ELAPOR1: variants seen among roughly 807,000 people sequenced by gnomAD.
ELAPOR1 encodes the protein endosome/lysosome-associated apoptosis and autophagy regulator 1.
In ELAPOR1, 77 loss-of-function variants were observed where a neutral mutation model predicts 119.7. The observed-to-expected ratio is 0.64, with a 90% CI of 0.54 to 0.78. The LOEUF (loss-of-function observed/expected upper bound fraction) is 0.78, where lower values mean the gene tolerates loss of function less well. Among genes scored for constraint, ELAPOR1 ranks in the 30% least tolerant of loss-of-function variants. The probability of loss-of-function intolerance (pLI) is 0.00; values close to 1 mark genes in which losing one functional copy is unlikely to be tolerated. For missense variants in ELAPOR1, 1,115 were observed against 1,270.4 expected (o/e 0.88, Z 1.86); for synonymous variants, 481 against 487.2 (o/e 0.99, Z 0.17).
chr1:109,173,545 C>G lies in ELAPOR1; in HGVS notation c.768C>G (p.Pro256=), dbSNP rs748328562. 1 of 1,614,128 alleles carries G rather than the reference C, an allele frequency of 6.2e-7. No homozygotes were observed. Among genetic ancestry groups the G allele is most frequent in the Non-Finnish European group, 8.5e-7 (1 of 1,180,020 alleles). ...CCTTCTCAGTATGGACCAAAGTACC[C>G]AAGCCTGTGCTGGTGAGAAACATTG... The part of the protein sequence containing the change: ...TTAFSVWTKV[P]KPVLVRNIAI... Residue 256 remains proline (P), a synonymous_variant, in exon 6 of 22, where the codon CCC becomes CCG. Transcript: ENST00000369939.
At chr1:109,191,290 C>A in intron 11 of ELAPOR1, 76 bp from the exon 12 acceptor site, 2 of 955,826 alleles carry the variant, frequency 2.1e-6, no homozygotes, top group Non-Finnish European at 1.7e-6. Context: ...CCCCAGCAGA[C>A]GCTCTGCTGT....
At chr1:109,144,061 A>ATATATATATATATTTTTTTTTTT in intron 1 of ELAPOR1, among the ~76,000 whole-genome samples, 2 of 89,012 alleles carry the variant, frequency 2.2e-5, no homozygotes, top group African/African-American at 4.8e-5. Context: ...ATATTTATAT[A>ATATATATATATATTTTTTTTTTT]TTTTTTTTTT....
At chr1:109,145,957 A>G (rs1650150596) in intron 1 of ELAPOR1, among the ~76,000 whole-genome samples, 2 of 152,218 alleles carry the variant, frequency 1.3e-5, no homozygotes, top group African/African-American at 4.8e-5. Context: ...AAGAATAGCA[A>G]AAGCAGGAAC....
chr1:109,179,201 GA>G (rs1652543887), intron 7 of ELAPOR1, among the ~76,000 whole-genome samples: 2 of 151,970 alleles, frequency 1.3e-5, no homozygotes, highest in African/African-American at 4.8e-5. Flanking sequence ...AGGAGTTTGA[GA>G]CCAGCCTGGG....
intron 15 of ELAPOR1, among the ~76,000 whole-genome samples, chr1:109,196,558 C>T (rs1298416): frequency 0.68 from 103,076 of 151,776 alleles, 37,468 homozygotes; most frequent in East Asian, 0.97. Flanking sequence ...TACTGCCACA[C>T]GATAGATCCT....
At position 109,200,747 on chromosome 1, in the gene ELAPOR1, G is replaced by A. The variant is rs1654116531; in HGVS notation, c.2820G>A (p.Lys940=). 6.2e-6 allele frequency: 10 copies of A among 1,613,732 alleles called. No individual in the cohort carries two copies. Among genetic ancestry groups the A allele is most frequent in the South Asian group, 1.1e-5 (1 of 91,056 alleles). The change falls in exon 21 of 22, where the codon AAG becomes AAA. Residue 940 remains lysine, a synonymous_variant. Coordinates refer to ENST00000369939, the MANE Select transcript of ELAPOR1 (RefSeq NM_020775.5). The part of the protein sequence containing the change: ...FWKKNQKLEY[K]YSKLVMNATL... ...TCCTGTTTTATAGACTAGAGTACAA[G>A]TACTCCAAGCTGGTGATGAATGCTA...
chr1:109,188,218 C>A lies in ELAPOR1; in HGVS notation c.1083C>A (p.Ser361Arg), dbSNP rs780087334. 23 of 1,613,202 alleles carry A rather than the reference C, an allele frequency of 1.4e-5. No individual in the cohort carries two copies. Among genetic ancestry groups the A allele is most frequent in the Admixed American group, 5.0e-5 (3 of 59,980 alleles). ...MYKWAKPKIC[S>R]EDLEGAVKLP... Reference sequence around the variant, plus strand: ...AATGGGCCAAGCCGAAAATCTGTAGCGAGGACCTTGAGGGGGCAGTGAAGC... The same window carrying A: ...AATGGGCCAAGCCGAAAATCTGTAGAGAGGACCTTGAGGGGGCAGTGAAGC... The change falls in exon 9 of 22, where the codon AGC becomes AGA. Residue 361 changes from serine (S) to arginine (R), a missense_variant. Ser to Arg is a moderately radical substitution (Grantham distance 110). Transcript: ENST00000369939.
rs202173485 is a variant in ELAPOR1 at position 109,191,709 on chromosome 1, G to C, written c.1546-17G>C. On this transcript the variant is annotated splice_polypyrimidine_tract_variant and intron_variant, in intron 12 of 21. Coordinates refer to ENST00000369939, the MANE Select transcript of ELAPOR1 (RefSeq NM_020775.5). ...TCTGGCCATCGCACCCGCTTCACTT[G>C]TCTGTCCTGGGTTCAGGGTGTGAAT... 3.9e-4 allele frequency: 631 copies of C among 1,613,930 alleles called. 1 individual carries two copies. The highest frequency in any genetic ancestry group is 9.1e-4 in the African/African-American group (68 of 75,060).
At chr1:109,126,507 G>A (rs1210243635) in intron 1 of ELAPOR1, among the ~76,000 whole-genome samples, 1 of 151,778 alleles carries the variant, frequency 6.6e-6, no homozygotes, top group Non-Finnish European at 1.5e-5. Flanking sequence ...GTCTCGCTCT[G>A]TTGCCCAGGC....
intron 1 of ELAPOR1, among the ~76,000 whole-genome samples, chr1:109,129,403 G>A (rs939029915): frequency 9.2e-5 from 14 of 152,266 alleles, no homozygotes; most frequent in African/African-American, 1.9e-4. Context: ...CTAGCTACCC[G>A]GGAGGCTGAG....
At chr1:109,146,610 A>G (rs111408236) in intron 1 of ELAPOR1, among the ~76,000 whole-genome samples, 1,561 of 152,344 alleles carry the variant, frequency 0.01, 25 homozygotes, top group African/African-American at 0.036. Context: ...GAGAAATGTA[A>G]AAGGATTTGC....
At chr1:109,197,065 A>T (rs1653844552) in intron 15 of ELAPOR1, among the ~76,000 whole-genome samples, 1 of 151,658 alleles carries the variant, frequency 6.6e-6, no homozygotes, top group Admixed American at 6.6e-5. Context: ...ACTCTGGGAG[A>T]CTGAGGCAGG....
chr1:109,166,073 G>A (rs1287030185), intron 3 of ELAPOR1, among the ~76,000 whole-genome samples: 10 of 151,948 alleles, frequency 6.6e-5, no homozygotes, highest in African/African-American at 2.4e-4. Flanking sequence ...CCGCCACCAC[G>A]CCCAGCTAAT....
intron 1 of ELAPOR1, among the ~76,000 whole-genome samples, chr1:109,118,473 G>A (rs775977648): frequency 6.6e-6 from 1 of 152,188 alleles, no homozygotes; most frequent in East Asian, 1.9e-4. Flanking sequence ...GTTGAGGTGG[G>A]CCAACAGATG....
At chr1:109,165,029 C>T (rs1204067525) in intron 3 of ELAPOR1, among the ~76,000 whole-genome samples, 1 of 152,116 alleles carries the variant, frequency 6.6e-6, no homozygotes, top group Admixed American at 6.5e-5. Flanking sequence ...AGTGACTCAC[C>T]CCTGTAATCC....
At chr1:109,131,660 G>A (rs1325041472) in intron 1 of ELAPOR1, among the ~76,000 whole-genome samples, 1 of 152,104 alleles carries the variant, frequency 6.6e-6, no homozygotes, top group Non-Finnish European at 1.5e-5. Context: ...TAAATATAAT[G>A]CACGTATATA....
intron 1 of ELAPOR1, among the ~76,000 whole-genome samples, chr1:109,141,292 A>G (rs553707227): frequency 6.6e-6 from 1 of 151,728 alleles, no homozygotes; most frequent in South Asian, 2.1e-4. Flanking sequence ...ACTGTGTCTC[A>G]CTCTGTTGCC....
At position 109,172,388 on chromosome 1, in the gene ELAPOR1, C is replaced by T. The variant is rs140613366; in HGVS notation, c.616-100C>T. The T allele has an allele frequency of 1.8e-4, 152 of 841,248 alleles. No homozygotes were observed. The African/African-American group carries it at 1.8e-3, about 10-fold the overall frequency. 52.1% of individuals were successfully genotyped at this position (841,248 alleles called of 1,614,324 possible). A position where few individuals can be genotyped will look rare whatever the true frequency, so the allele number is the denominator to read the frequency against. ...CCTAAAGGAAATTGGCAACTCTTCC[C>T]ATATAAAGAAGGGCCCTCTGGAGGG... On this transcript the variant is annotated intron_variant, in intron 4 of 21. Transcript: ENST00000369939.
At chr1:109,194,883 G>A (rs1193411034) in intron 15 of ELAPOR1, among the ~76,000 whole-genome samples, 4 of 152,244 alleles carry the variant, frequency 2.6e-5, no homozygotes, top group Non-Finnish European at 1.5e-5. Context: ...CGAGACGGGC[G>A]GATCACCTGA....
Sources: allele counts gnomAD v4.1 joint callset (sites outside exome capture counted in the v4.1 genomes callset), GRCh38; gene constraint gnomAD v4.1.1; transcripts MANE v1.5; gene names NCBI Gene and HGNC (gene_info 2026-07-23, HGNC 2026-07-21).